Variants in CRCP observed in about 807,000 individuals in gnomAD.
CRCP encodes CGRP receptor component.
In CRCP, 18 loss-of-function variants were observed where a neutral mutation model predicts 18.5. The observed-to-expected ratio is 0.97, with a 90% CI of 0.67 to 1.44. The LOEUF is 1.44. Among genes scored for constraint, CRCP ranks in the 40% most tolerant of loss-of-function variants. CRCP has a pLI of 0.00. For missense variants in CRCP, 130 were observed against 176.4 expected (o/e 0.74, Z 1.49); for synonymous variants, 53 against 62.9 (o/e 0.84, Z 0.75).
intron 1 of CRCP, among the ~76,000 whole-genome samples, chr7:66,125,609 T>G (rs1345597411): frequency 2.0e-5 from 3 of 149,294 alleles, no homozygotes; most frequent in Admixed American, 6.7e-5. Flanking sequence ...GTTTTCCTCC[T>G]TTATATTCGT....
At position 66,152,565 on chromosome 7, in the gene CRCP, G is replaced by A. The variant is rs1584106374; in HGVS notation, c.*208G>A. The A allele has an allele frequency of 3.5e-6, 2 of 569,532 alleles. No homozygotes were observed. Among genetic ancestry groups the A allele is most frequent in the Non-Finnish European group, 3.1e-6 (1 of 326,334 alleles). The allele number at this position is 569,532 out of a possible 1,614,324, so 35.3% of individuals were successfully genotyped here. On this transcript the variant is annotated 3_prime_UTR_variant, in exon 6 of 6. Transcript: ENST00000395326. ...GGTGAAAACAGGCTGAGGTTGTCAG[G>A]GCAGAGAGCTGAAGGTGGGGACAGT...
rs146281715 is a variant in CRCP at position 66,134,435 on chromosome 7, C to T, written c.239+61C>T. 581 of 1,129,688 alleles carry T rather than the reference C, an allele frequency of 5.1e-4. 3 individuals carry two copies. The African/African-American group carries it at 8.0e-3, about 16-fold the overall frequency. The allele number at this position is 1,129,688 out of a possible 1,614,324, so 70.0% of individuals were successfully genotyped here. The stretch of plus-strand genomic sequence containing the variant: ...ATGGTGAAATGATAGTTGCTACATT[C>T]GTAGCAACCGTGTATTGATATTCGG... On this transcript the variant is annotated intron_variant, in intron 4 of 5. Coordinates refer to ENST00000395326, the MANE Select transcript of CRCP (RefSeq NM_014478.5).
At chr7:66,125,346 C>T (rs1481240303) in intron 1 of CRCP, among the ~76,000 whole-genome samples, 1 of 149,204 alleles carries the variant, frequency 6.7e-6, no homozygotes, top group Non-Finnish European at 1.5e-5. Context: ...ACATACAGCT[C>T]GTTTAGGACT....
chr7:66,134,712 T>C (rs978427243), intron 4 of CRCP, among the ~76,000 whole-genome samples: 23 of 152,158 alleles, frequency 1.5e-4, no homozygotes, highest in Admixed American at 5.9e-4. Context: ...ATTTAGGTCA[T>C]AGGTAGAGAT....
At chr7:66,150,093 A>G (rs897564621) in intron 5 of CRCP, among the ~76,000 whole-genome samples, 2 of 149,996 alleles carry the variant, frequency 1.3e-5, no homozygotes, top group Admixed American at 1.3e-4. Context: ...GGCGTGAGCC[A>G]CCGCACCCGG....
intron 1 of CRCP, among the ~76,000 whole-genome samples, chr7:66,124,699 A>G (rs969890800): frequency 2.0e-5 from 3 of 152,050 alleles, no homozygotes; most frequent in Non-Finnish European, 4.4e-5. Flanking sequence ...TTTCTTTTGC[A>G]CAGGCATGAG....
intron 4 of CRCP, among the ~76,000 whole-genome samples, chr7:66,143,788 C>G (rs1264043158): frequency 6.6e-6 from 1 of 152,206 alleles, no homozygotes; most frequent in African/African-American, 2.4e-5. Context: ...TTTACTCTCT[C>G]AGTGTCAGTG....
chr7:66,124,763 T>G (rs182802712), intron 1 of CRCP, among the ~76,000 whole-genome samples: 5 of 150,044 alleles, frequency 3.3e-5, no homozygotes, highest in African/African-American at 1.2e-4. Flanking sequence ...ATTAGAGAGT[T>G]GTAGATAGCA....
chr7:66,144,986 T>C (rs950818726), intron 4 of CRCP, among the ~76,000 whole-genome samples: 7 of 151,884 alleles, frequency 4.6e-5, no homozygotes, highest in Non-Finnish European at 1.0e-4. Flanking sequence ...CCATCTCTGC[T>C]AAAAAAATAC....
chr7:66,138,514 G>A (rs570835004), intron 4 of CRCP, among the ~76,000 whole-genome samples: 6 of 150,844 alleles, frequency 4.0e-5, no homozygotes, highest in East Asian at 1.9e-4. Flanking sequence ...GCCTGGGCGC[G>A]GTGGCTCACG....
chr7:66,126,315 A>T (rs1371901383), intron 1 of CRCP, among the ~76,000 whole-genome samples: 1 of 147,352 alleles, frequency 6.8e-6, no homozygotes, highest in Non-Finnish European at 1.5e-5. Context: ...CATTTGGATC[A>T]TCTCGCCACA....
At chr7:66,117,378 C>T (rs1175638868) in intron 1 of CRCP, among the ~76,000 whole-genome samples, 1 of 152,132 alleles carries the variant, frequency 6.6e-6, no homozygotes, top group African/African-American at 2.4e-5. Context: ...GACCCTTTCT[C>T]TCCACACTCT....
chr7:66,124,877 T>C (rs1787575523), intron 1 of CRCP, among the ~76,000 whole-genome samples: 1 of 149,350 alleles, frequency 6.7e-6, no homozygotes, highest in Admixed American at 6.7e-5. Flanking sequence ...TAAGATACAA[T>C]GTAAACTCAC....
intron 2 of CRCP, 136 bp from the exon 3 acceptor site, chr7:66,130,608 C>G: frequency 1.9e-6 from 1 of 514,260 alleles, no homozygotes; most frequent in Non-Finnish European, 3.5e-6. Flanking sequence ...TTGCTCAAAT[C>G]CAAGAGTTGG....
chr7:66,115,202 C>A (rs1474638034), intron 1 of CRCP, among the ~76,000 whole-genome samples: 1 of 152,204 alleles, frequency 6.6e-6, no homozygotes, highest in East Asian at 1.9e-4. Flanking sequence ...GGGCCGAGCA[C>A]TTCCGTGTCC....
chr7:66,115,072 G>T, intron 1 of CRCP, 102 bp downstream of exon 1: 1 of 1,506,274 alleles, frequency 6.6e-7, no homozygotes, highest in South Asian at 1.2e-5. Flanking sequence ...ACCCTCGTAC[G>T]GGAGTGAGGG....
chr7:66,122,058 A>G (rs1787457940), intron 1 of CRCP, among the ~76,000 whole-genome samples: 1 of 152,162 alleles, frequency 6.6e-6, no homozygotes, highest in Non-Finnish European at 1.5e-5. Flanking sequence ...TTGCCTGTGT[A>G]AGAGTTGACT....
intron 1 of CRCP, among the ~76,000 whole-genome samples, chr7:66,116,474 G>A (rs896058947): frequency 2.3e-5 from 3 of 131,322 alleles, no homozygotes; most frequent in Non-Finnish European, 3.1e-5. Context: ...GAGTGACAGT[G>A]TAAGGCTCTG....
Position 66,139,955 on chromosome 7 carries a change from T to G in CRCP, c.240-5488T>G, listed in dbSNP as rs563557745. On this transcript the variant is annotated intron_variant, in intron 4 of 5. Coordinates refer to ENST00000395326, the MANE Select transcript of CRCP (RefSeq NM_014478.5). ...GTCCTGTAGCCACAAGTTCCGAGTT[T>G]CTCTCAAAGGTTTGCCCACCTGTTG... 1.8e-4 allele frequency among the ~76,000 whole-genome samples: 27 copies of G among 152,344 alleles called. 1 individual carries two copies. The South Asian group carries it at 3.1e-3, about 18-fold the overall frequency.
Sources: gnomAD v4.1 joint callset for allele counts (sites outside exome capture counted in the v4.1 genomes callset) on GRCh38, gnomAD v4.1.1 for gene constraint, MANE v1.5 for transcripts, NCBI Gene and HGNC (gene_info 2026-07-23, HGNC 2026-07-21) for gene names.